FAM135B: variants seen among roughly 807,000 people sequenced by gnomAD.
FAM135B encodes the protein family with sequence similarity 135 member B, also known as protein FAM135B.
Under a neutral mutation model 127.7 loss-of-function variants are expected in FAM135B, and 43 were observed. The ratio of observed to expected loss-of-function variants is 0.34; its 90% CI spans 0.26 to 0.43. The LOEUF is 0.43. Ranked by LOEUF, FAM135B falls within the 20% of genes least tolerant of loss-of-function variation. The pLI, the probability that FAM135B is intolerant of heterozygous loss-of-function variation, is 1.00. For synonymous variants in FAM135B, 670 were observed against 665.1 expected, an observed-to-expected ratio of 1.01 and a Z score of -0.11; for missense variants, 1,558 against 1,725.6, an observed-to-expected ratio of 0.90 and a Z score of 1.72.
intron 7 of FAM135B, among the ~76,000 whole-genome samples, chr8:138,198,054 C>T (rs1378056151): frequency 6.6e-6 from 1 of 152,218 alleles, no homozygotes; most frequent in Non-Finnish European, 1.5e-5. Flanking sequence ...TGTGTTCCCA[C>T]CCAAGTCTCA....
At chr8:138,472,486 T>G (rs1837736214) in intron 1 of FAM135B, among the ~76,000 whole-genome samples, 1 of 152,100 alleles carries the variant, frequency 6.6e-6, no homozygotes, top group Non-Finnish European at 1.5e-5. Context: ...TCATTTTGTT[T>G]CCCTAGTGCA....
intron 2 of FAM135B, among the ~76,000 whole-genome samples, chr8:138,339,672 A>G (rs1828906997): frequency 6.6e-6 from 1 of 152,200 alleles, no homozygotes; most frequent in Non-Finnish European, 1.5e-5. Flanking sequence ...GAATTAGAGC[A>G]TTCCATCAGC....
intron 1 of FAM135B, among the ~76,000 whole-genome samples, chr8:138,445,785 T>G (rs1288140776): frequency 6.6e-6 from 1 of 152,144 alleles, no homozygotes; most frequent in African/African-American, 2.4e-5. Context: ...TTCAACATAG[T>G]GTTGGAAGTT....
chr8:138,497,581 A>C (rs1224325502), upstream of FAM135B, among the ~76,000 whole-genome samples: 2 of 152,156 alleles, frequency 1.3e-5, no homozygotes, highest in Non-Finnish European at 2.9e-5. Flanking sequence ...AGCCCAGGCA[A>C]CAAGTAGATG....
intron 6 of FAM135B, among the ~76,000 whole-genome samples, chr8:138,245,521 T>C (rs1821210366): frequency 6.6e-6 from 1 of 152,190 alleles, no homozygotes; most frequent in Non-Finnish European, 1.5e-5. Flanking sequence ...GCTGCCGCCA[T>C]GTGCAGAAGG....
chr8:138,495,638 C>A (rs1815361733), intron 1 of FAM135B, among the ~76,000 whole-genome samples: 1 of 152,206 alleles, frequency 6.6e-6, no homozygotes. Flanking sequence ...AACTTTCAGA[C>A]CCTAATTATT....
chr8:138,311,810 T>A (rs1263005045), intron 2 of FAM135B, among the ~76,000 whole-genome samples: 1 of 152,160 alleles, frequency 6.6e-6, no homozygotes, highest in African/African-American at 2.4e-5. Flanking sequence ...TTGTTTTTAA[T>A]GTATAAATGA....
At chr8:138,161,193 C>A (rs16908384) in intron 12 of FAM135B, among the ~76,000 whole-genome samples, 21,294 of 152,044 alleles carry the variant, frequency 0.14, 1,662 homozygotes, top group Middle Eastern at 0.22. Flanking sequence ...GAGAAACTCT[C>A]CTTTGTGGCA....
intron 7 of FAM135B, among the ~76,000 whole-genome samples, chr8:138,239,474 A>C (rs1312132888): frequency 6.6e-6 from 1 of 152,176 alleles, no homozygotes; most frequent in East Asian, 1.9e-4. Flanking sequence ...TCAGATGAGT[A>C]GATTGCAAAA....
At chr8:138,263,557 T>C (rs1822699656) in intron 4 of FAM135B, among the ~76,000 whole-genome samples, 1 of 152,172 alleles carries the variant, frequency 6.6e-6, no homozygotes, top group Non-Finnish European at 1.5e-5. Context: ...TTTTAAATTT[T>C]GATTTCAGAT....
At chr8:138,363,356 C>A (rs1002502443) in intron 2 of FAM135B, among the ~76,000 whole-genome samples, 6 of 152,136 alleles carry the variant, frequency 3.9e-5, no homozygotes, top group Non-Finnish European at 7.4e-5. Flanking sequence ...TTGTCACCAC[C>A]ATTTTACAGG....
intron 1 of FAM135B, among the ~76,000 whole-genome samples, chr8:138,492,823 G>A (rs757059499): frequency 2.0e-5 from 3 of 152,128 alleles, no homozygotes; most frequent in Non-Finnish European, 4.4e-5. Context: ...ATATGTCGGA[G>A]GCTCCTCTTT....
chr8:138,347,225 C>A (rs1829482121), intron 2 of FAM135B, among the ~76,000 whole-genome samples: 1 of 152,184 alleles, frequency 6.6e-6, no homozygotes, highest in Non-Finnish European at 1.5e-5. Context: ...TCAGTAACAT[C>A]ATGTCCTAAT....
intron 1 of FAM135B, among the ~76,000 whole-genome samples, chr8:138,371,915 A>C (rs1831153377): frequency 2.0e-5 from 3 of 152,234 alleles, no homozygotes; most frequent in Non-Finnish European, 4.4e-5. Flanking sequence ...CTGTGTGTCC[A>C]GGCACTCTGG....
At chr8:138,397,224 C>T (rs539024505) in intron 1 of FAM135B, among the ~76,000 whole-genome samples, 1 of 152,264 alleles carries the variant, frequency 6.6e-6, no homozygotes, top group South Asian at 2.1e-4. Flanking sequence ...GATTCCAGGG[C>T]ACAAAACCAC....
intron 3 of FAM135B, among the ~76,000 whole-genome samples, chr8:138,283,764 G>C (rs1423752491): frequency 6.6e-6 from 1 of 152,080 alleles, no homozygotes; most frequent in African/African-American, 2.4e-5. Context: ...CAGTTGCACA[G>C]ACACACCACT....
intron 1 of FAM135B, among the ~76,000 whole-genome samples, chr8:138,372,035 G>A (rs1164400692): frequency 1.3e-5 from 2 of 152,270 alleles, no homozygotes; most frequent in African/African-American, 2.4e-5. Flanking sequence ...GGCTCAGGAA[G>A]AGGGGGGACC....
At chr8:138,486,778 G>C (rs1815000026) in intron 1 of FAM135B, among the ~76,000 whole-genome samples, 1 of 152,160 alleles carries the variant, frequency 6.6e-6, no homozygotes, top group African/African-American at 2.4e-5. Context: ...ACTTGCACAA[G>C]AATCTCCATT....
intron 9 of FAM135B, among the ~76,000 whole-genome samples, chr8:138,188,698 C>T (rs1187216254): frequency 1.3e-5 from 2 of 152,156 alleles, no homozygotes; most frequent in South Asian, 2.1e-4. Flanking sequence ...CTTCCTGCAG[C>T]CCTGCCCACT....
Sources: allele counts gnomAD v4.1 joint callset (sites outside exome capture counted in the v4.1 genomes callset), GRCh38; gene constraint gnomAD v4.1.1; transcripts MANE v1.5; gene names NCBI Gene and HGNC (gene_info 2026-07-23, HGNC 2026-07-21).